The following ROBO1 variants were observed in gnomAD, a reference collection of about 807,000 sequenced individuals.
The protein encoded by ROBO1 is roundabout homolog 1.
In ROBO1, 149 loss-of-function variants were observed where a neutral mutation model predicts 195.9. That is an observed-to-expected ratio of 0.76 (90% CI 0.67 to 0.87). The LOEUF is 0.87. Ranked by LOEUF, ROBO1 falls within the 40% of genes least tolerant of loss-of-function variation. ROBO1 has a pLI of 0.00. For missense variants in ROBO1, 1,933 were observed against 2,068.3 expected, an observed-to-expected ratio of 0.93 and a Z score of 1.27; for synonymous variants, 816 against 733.2, an observed-to-expected ratio of 1.11 and a Z score of -1.82.
chr3:79,260,919 A>G lies in ROBO1; in HGVS notation c.89-135380T>C, dbSNP rs371594195. On this transcript the variant is annotated intron_variant, in intron 2 of 30. Coordinates refer to ENST00000464233, the MANE Select transcript of ROBO1 (RefSeq NM_002941.4). ...ACAAAATTAAAAGTGAACTCTGCTC[A>G]ATTCTATATTTAATTTAGTATGGAT... Among the ~76,000 whole-genome samples the G allele has an allele frequency of 4.2e-4, 64 of 152,244 alleles. No individual in the cohort carries two copies. The East Asian group carries it at 0.012, about 28-fold the overall frequency.
intron 2 of ROBO1, among the ~76,000 whole-genome samples, chr3:79,432,440 G>A (rs540996013): frequency 6.6e-6 from 1 of 152,082 alleles, no homozygotes; most frequent in Non-Finnish European, 1.5e-5. Context: ...CCCAAACAAA[G>A]ATCAAACTAT....
At chr3:79,536,491 T>C (rs1365674459) in intron 2 of ROBO1, among the ~76,000 whole-genome samples, 1 of 152,194 alleles carries the variant, frequency 6.6e-6, no homozygotes, top group East Asian at 1.9e-4. Flanking sequence ...TAACATTTCA[T>C]TTAAAATTTC....
intron 2 of ROBO1, among the ~76,000 whole-genome samples, chr3:79,386,792 C>A (rs1559862860): frequency 6.6e-6 from 1 of 152,192 alleles, no homozygotes; most frequent in Non-Finnish European, 1.5e-5. Context: ...GGATTGTGGG[C>A]TTTATTCCTC....
At chr3:78,960,779 A>AACACAC (rs751349324) in intron 3 of ROBO1, among the ~76,000 whole-genome samples, 34 of 124,598 alleles carry the variant, frequency 2.7e-4, no homozygotes, top group African/African-American at 3.4e-4. Flanking sequence ...TCCGTATTAA[A>AACACAC]ACACACACAC....
chr3:78,818,590 C>T (rs1252857623), intron 4 of ROBO1, among the ~76,000 whole-genome samples: 1 of 152,228 alleles, frequency 6.6e-6, no homozygotes, highest in Non-Finnish European at 1.5e-5. Flanking sequence ...CAGTCAGCGC[C>T]TTGGAGGCTG....
At chr3:79,034,707 A>G (rs1272210952) in intron 3 of ROBO1, among the ~76,000 whole-genome samples, 1 of 152,184 alleles carries the variant, frequency 6.6e-6, no homozygotes, top group Non-Finnish European at 1.5e-5. Flanking sequence ...TTGAAAACTT[A>G]TGAGTTGCTT....
intron 2 of ROBO1, among the ~76,000 whole-genome samples, chr3:79,245,625 C>T (rs1018180992): frequency 1.3e-5 from 2 of 151,772 alleles, no homozygotes; most frequent in African/African-American, 4.8e-5. Context: ...GCAAAGACCC[C>T]CACCCCACCC....
At chr3:79,595,386 A>T (rs941570268) in intron 1 of ROBO1, among the ~76,000 whole-genome samples, 3 of 152,192 alleles carry the variant, frequency 2.0e-5, no homozygotes, top group African/African-American at 7.2e-5. Context: ...TACATAAGAG[A>T]ACACCTACAT....
At chr3:79,070,946 G>A (rs932611914) in intron 3 of ROBO1, among the ~76,000 whole-genome samples, 1 of 151,440 alleles carries the variant, frequency 6.6e-6, no homozygotes, top group Non-Finnish European at 1.5e-5. Flanking sequence ...AGGTATAGTT[G>A]AAAAATTGCA....
At chr3:79,726,311 C>A (rs902903190) in intron 1 of ROBO1, among the ~76,000 whole-genome samples, 2 of 152,194 alleles carry the variant, frequency 1.3e-5, no homozygotes, top group African/African-American at 4.8e-5. Flanking sequence ...CCAACCCCAT[C>A]TATCTAACAC....
intron 2 of ROBO1, among the ~76,000 whole-genome samples, chr3:79,321,443 C>T (rs2033977574): frequency 6.6e-6 from 1 of 152,068 alleles, no homozygotes; most frequent in South Asian, 2.1e-4. Flanking sequence ...TCATCTTTTG[C>T]TTAGATAACT....
intron 7 of ROBO1, among the ~76,000 whole-genome samples, chr3:78,716,522 A>T (rs566319873): frequency 6.6e-6 from 1 of 152,272 alleles, no homozygotes; most frequent in Admixed American, 6.5e-5. Context: ...CACTCTTAAC[A>T]TGTGAATCTC....
chr3:78,639,707 A>C, intron 22 of ROBO1, 37 bp downstream of exon 22: 2 of 1,552,256 alleles, frequency 1.3e-6, no homozygotes, highest in Non-Finnish European at 1.8e-6. Context: ...GTTCCTTAAA[A>C]AGCTTATACA....
chr3:79,135,440 G>T (rs536804599), intron 2 of ROBO1, among the ~76,000 whole-genome samples: 10 of 152,002 alleles, frequency 6.6e-5, no homozygotes, highest in Non-Finnish European at 1.0e-4. Flanking sequence ...AAAAAAAATT[G>T]TTGATTGTTC....
chr3:79,148,966 G>A (rs1301441509), intron 2 of ROBO1, among the ~76,000 whole-genome samples: 3 of 151,818 alleles, frequency 2.0e-5, no homozygotes, highest in African/African-American at 2.4e-5. Flanking sequence ...ACATACTGGC[G>A]CCAAGTGAGT....
At chr3:79,319,118 C>G (rs1487509579) in intron 2 of ROBO1, among the ~76,000 whole-genome samples, 1 of 152,136 alleles carries the variant, frequency 6.6e-6, no homozygotes, top group Non-Finnish European at 1.5e-5. Flanking sequence ...TCCCTCACTC[C>G]TCTCCTATCC....
chr3:78,726,510 C>T (rs566308749), intron 5 of ROBO1, among the ~76,000 whole-genome samples: 1 of 152,186 alleles, frequency 6.6e-6, no homozygotes, highest in South Asian at 2.1e-4. Flanking sequence ...ACCACCAACC[C>T]GTTTTCATAC....
intron 1 of ROBO1, among the ~76,000 whole-genome samples, chr3:79,656,327 T>C (rs1047207906): frequency 6.6e-6 from 1 of 151,840 alleles, no homozygotes; most frequent in Non-Finnish European, 1.5e-5. Context: ...TTACTACCCA[T>C]TGAGACACAT....
intron 2 of ROBO1, among the ~76,000 whole-genome samples, chr3:79,213,894 C>T (rs1250464662): frequency 2.1e-5 from 3 of 143,562 alleles, no homozygotes; most frequent in Non-Finnish European, 4.5e-5. Flanking sequence ...GGCACAATCT[C>T]GGCTCACTGC....
Sources: gnomAD v4.1 joint callset for allele counts (sites outside exome capture counted in the v4.1 genomes callset) on GRCh38, gnomAD v4.1.1 for gene constraint, MANE v1.5 for transcripts, NCBI Gene and HGNC (gene_info 2026-07-23, HGNC 2026-07-21) for gene names.